Variants in MGMT observed in about 807,000 individuals in gnomAD.
MGMT encodes the protein methylated-DNA--protein-cysteine methyltransferase.
MGMT carries 14 observed loss-of-function variants against 15.9 expected under a neutral mutation model. The ratio of observed to expected loss-of-function variants is 0.88; its 90% CI spans 0.58 to 1.37. The LOEUF (loss-of-function observed/expected upper bound fraction) is 1.37, where lower values mean the gene tolerates loss of function less well. MGMT is among the 40% of genes most tolerant of loss of function. The probability of loss-of-function intolerance (pLI) is 0.00; values close to 1 mark genes in which losing one functional copy is unlikely to be tolerated. For missense variants in MGMT, 282 were observed against 268.1 expected (o/e 1.05, Z -0.36); for synonymous variants, 130 against 118.2 (o/e 1.10, Z -0.65).
At chr10:129,604,874 G>A (rs1166169347) in intron 2 of MGMT, among the ~76,000 whole-genome samples, 2 of 152,110 alleles carry the variant, frequency 1.3e-5, no homozygotes, top group Admixed American at 6.6e-5. Flanking sequence ...AGTCTGCTTC[G>A]GGCTGCGTCA....
intron 1 of MGMT, among the ~76,000 whole-genome samples, chr10:129,487,510 ATTTCT>A (rs1441376675): frequency 6.6e-6 from 1 of 151,812 alleles, no homozygotes; most frequent in Middle Eastern, 3.2e-3. Flanking sequence ...TAGAAAGGAA[ATTTCT>A]TTCTCTTCTG....
chr10:129,488,013 A>ATAGG (rs1564832160), intron 1 of MGMT, among the ~76,000 whole-genome samples: 35 of 124,676 alleles, frequency 2.8e-4, no homozygotes, highest in African/African-American at 8.4e-4. Context: ...ATACACACAC[A>ATAGG]CACACACACA....
At chr10:129,759,459 G>A in intron 4 of MGMT, 118 bp downstream of exon 4, 1 of 1,468,826 alleles carries the variant, frequency 6.8e-7, no homozygotes, top group Non-Finnish European at 9.3e-7. Flanking sequence ...TGGGCAGAGG[G>A]GCGATATCTG....
At chr10:129,747,170 G>C (rs1052740751) in intron 3 of MGMT, among the ~76,000 whole-genome samples, 1 of 152,104 alleles carries the variant, frequency 6.6e-6, no homozygotes, top group Non-Finnish European at 1.5e-5. Flanking sequence ...TCACTTATTA[G>C]TTCTAAGACT....
At chr10:129,678,861 C>G (rs751840347) in intron 2 of MGMT, among the ~76,000 whole-genome samples, 2 of 152,080 alleles carry the variant, frequency 1.3e-5, no homozygotes, top group East Asian at 3.9e-4. Context: ...CACTTGAAGT[C>G]GGGAGTTCGA....
In MGMT at chr10:129,532,203, A is replaced by G. The variant is rs1005813747; in HGVS notation, c.-12-4038A>G. 6.6e-6 allele frequency among the ~76,000 whole-genome samples: 1 copy of G among 152,176 alleles called. No homozygotes were observed. The highest frequency in any genetic ancestry group is 2.4e-5 in the African/African-American group (1 of 41,452). ...AGAGGCCCATGCCATGATGCTGGTC[A>G]TGGGGATAGCACCACAGGGCTCAGT... On this transcript the variant is annotated intron_variant, in intron 1 of 4. Coordinates refer to ENST00000651593, the MANE Select transcript of MGMT (RefSeq NM_002412.5). This position sits in a 1 kb window ranked among gnomAD's most constrained non-coding sequence, Gnocchi z 5.3.
At chr10:129,764,133 G>T (rs1165250878) in intron 4 of MGMT, among the ~76,000 whole-genome samples, 1 of 152,236 alleles carries the variant, frequency 6.6e-6, no homozygotes, top group Admixed American at 6.5e-5. Flanking sequence ...GTGGAGCCAT[G>T]CAGGAGAGTG....
intron 2 of MGMT, among the ~76,000 whole-genome samples, chr10:129,692,509 G>C (rs1038186499): frequency 1.1e-4 from 16 of 152,216 alleles, no homozygotes; most frequent in African/African-American, 3.9e-4. Flanking sequence ...AAAAACAGAT[G>C]GTGGGCCAGT....
In MGMT at chr10:129,759,294, A is replaced by C. The variant is rs1848843267; in HGVS notation, c.367A>C (p.Asn123His). 1 of 1,614,214 alleles carries C rather than the reference A, an allele frequency of 6.2e-7. No homozygotes were observed. Among genetic ancestry groups the C allele is most frequent in the Non-Finnish European group, 8.5e-7 (1 of 1,180,042 alleles). ...SYQQLAALAG[N>H]PKAARAVGGA... Reference sequence around the variant, plus strand: ...CCAGCAATTAGCAGCCCTGGCAGGCAACCCCAAAGCCGCGCGAGCAGTGGG... The same window carrying C: ...CCAGCAATTAGCAGCCCTGGCAGGCCACCCCAAAGCCGCGCGAGCAGTGGG... The change falls in exon 4 of 5, where the codon AAC becomes CAC. Residue 123 changes from asparagine (N) to histidine (H), a missense_variant. By Grantham distance (68) the Asn-to-His change is moderately conservative (BLOSUM62 1). Transcript: ENST00000651593.
At chr10:129,673,186 G>A (rs1313665188) in intron 2 of MGMT, among the ~76,000 whole-genome samples, 1 of 152,136 alleles carries the variant, frequency 6.6e-6, no homozygotes, top group Admixed American at 6.5e-5. Context: ...GGCAGCTCCT[G>A]TGCTGCTGTT....
intron 2 of MGMT, among the ~76,000 whole-genome samples, chr10:129,657,615 C>T (rs1847539210): frequency 6.7e-6 from 1 of 149,748 alleles, no homozygotes; most frequent in African/African-American, 2.5e-5. Context: ...AAGAAATGGC[C>T]TCTGACAGCC....
At chr10:129,760,516 G>C (rs1438661934) in intron 4 of MGMT, among the ~76,000 whole-genome samples, 1 of 152,184 alleles carries the variant, frequency 6.6e-6, no homozygotes, top group East Asian at 1.9e-4. Flanking sequence ...TGGCTTTACT[G>C]TCTATTTCCA....
chr10:129,668,492 T>C (rs918814596), intron 2 of MGMT, among the ~76,000 whole-genome samples: 3 of 152,170 alleles, frequency 2.0e-5, no homozygotes, highest in Non-Finnish European at 2.9e-5. Context: ...TAAATGGATA[T>C]TTATTCATGT....
chr10:129,602,154 A>G (rs1345652540), intron 2 of MGMT, among the ~76,000 whole-genome samples: 1 of 152,160 alleles, frequency 6.6e-6, no homozygotes, highest in African/African-American at 2.4e-5. Flanking sequence ...TTTCATTTTT[A>G]TGTTAGCAAG....
At chr10:129,474,351 A>T (rs1845265801) in intron 1 of MGMT, among the ~76,000 whole-genome samples, 1 of 152,056 alleles carries the variant, frequency 6.6e-6, no homozygotes, top group Non-Finnish European at 1.5e-5. Flanking sequence ...CAGTTCCAGG[A>T]GGTATAGCTG....
At chr10:129,567,499 A>T (rs1191840229) in intron 2 of MGMT, among the ~76,000 whole-genome samples, 1 of 152,092 alleles carries the variant, frequency 6.6e-6, no homozygotes, top group African/African-American at 2.4e-5. Context: ...AAGATTCAGG[A>T]ATGGGATGAT....
chr10:129,680,087 C>T (rs566278488), intron 2 of MGMT, among the ~76,000 whole-genome samples: 11 of 152,326 alleles, frequency 7.2e-5, no homozygotes, highest in African/African-American at 2.6e-4. Context: ...GCCCAGCAGT[C>T]GCAGACCCCA....
intron 2 of MGMT, among the ~76,000 whole-genome samples, chr10:129,546,114 C>T (rs1482347129): frequency 6.6e-6 from 1 of 152,260 alleles, no homozygotes; most frequent in African/African-American, 2.4e-5. Flanking sequence ...CTGTCATTTA[C>T]TCGCTCATTC....
At chr10:129,588,655 G>C (rs1443110737) in intron 2 of MGMT, among the ~76,000 whole-genome samples, 1 of 152,150 alleles carries the variant, frequency 6.6e-6, no homozygotes, top group Non-Finnish European at 1.5e-5. Flanking sequence ...GTCCAGTCCT[G>C]CCTGTACTGC....
Sources: allele counts gnomAD v4.1 joint callset (sites outside exome capture counted in the v4.1 genomes callset), GRCh38; gene constraint gnomAD v4.1.1; non-coding constraint Gnocchi (gnomAD v3.1); transcripts MANE v1.5; gene names NCBI Gene and HGNC (gene_info 2026-07-23, HGNC 2026-07-21).